The following MED13 variants were observed in gnomAD, a reference collection of about 807,000 sequenced individuals.
The protein encoded by MED13 is mediator of RNA polymerase II transcription subunit 13.
MED13 carries 23 observed loss-of-function variants against 225.2 expected under a neutral mutation model. The observed-to-expected ratio is 0.10, with a 90% CI of 0.07 to 0.14. MED13 has a LOEUF of 0.14. Among genes scored for constraint, MED13 ranks in the 10% least tolerant of loss-of-function variants. The pLI, the probability that MED13 is intolerant of heterozygous loss-of-function variation, is 1.00. For synonymous variants in MED13, 942 were observed against 889.2 expected (o/e 1.06, Z -1.06); for missense variants, 2,197 against 2,594.5 (o/e 0.85, Z 3.33).
intron 2 of MED13, among the ~76,000 whole-genome samples, chr17:62,062,303 T>C (rs934260624): frequency 6.6e-6 from 1 of 152,214 alleles, no homozygotes; most frequent in Admixed American, 6.5e-5. Context: ...AGTAATTATA[T>C]GAAAAGCTAT....
chr17:62,045,448 A>G (rs1015014382), intron 3 of MED13, among the ~76,000 whole-genome samples: 1 of 152,104 alleles, frequency 6.6e-6, no homozygotes, highest in Non-Finnish European at 1.5e-5. Flanking sequence ...AATTAGGCCC[A>G]GAAGTTTGTG....
At chr17:62,018,315 CAAG>C (rs1316748026) in intron 8 of MED13, among the ~76,000 whole-genome samples, 4 of 151,946 alleles carry the variant, frequency 2.6e-5, no homozygotes, top group Admixed American at 2.0e-4. Flanking sequence ...GTTAACAGTA[CAAG>C]AATAAAAAAT....
chr17:61,991,943 GATCC>G (rs1359167100), intron 11 of MED13, among the ~76,000 whole-genome samples: 17 of 152,212 alleles, frequency 1.1e-4, no homozygotes, highest in Non-Finnish European at 4.4e-5. Context: ...ACGGTGCCCA[GATCC>G]ATTTTTCAAT....
Position 62,033,915 on chromosome 17 carries a change from G to A in MED13, c.686C>T (p.Thr229Ile). 1 of 1,613,956 alleles carries A rather than the reference G, an allele frequency of 6.2e-7. No individual in the cohort carries two copies. The highest frequency in any genetic ancestry group is 8.5e-7 in the Non-Finnish European group (1 of 1,179,982). The change falls in exon 5 of 30, where the codon ACA (threonine) becomes ATA (isoleucine). Residue 229 changes from threonine to isoleucine, a missense_variant. Around this residue, in one of 12 missense-constraint regions of MED13, gnomAD observed 884 missense variants for 918.5 expected, o/e 0.96. Coordinates refer to ENST00000397786, the MANE Select transcript of MED13 (RefSeq NM_005121.3). ...TTTCCATTCACCAATTAATTTTTTT[G>A]TAGCTGAATCAGACATCTTGAATGC... ...GQAFKMSDSA[T>I]KKLIGEWKQF...
rs2079841648 is a variant in MED13, at chr17:61,945,023, T to C, written c.*1445A>G. On this transcript the variant is annotated 3_prime_UTR_variant, in exon 30 of 30. Transcript: ENST00000397786. ...CTTCTTTAGGGAGGTGAGAACCTCC[T>C]TGGCATATGCCCTACCTTAATCTGA... The C allele has an allele frequency of 6.6e-6, 1 of 152,662 alleles. No homozygotes were observed. The highest frequency in any genetic ancestry group is 2.4e-5 in the African/African-American group (1 of 41,450). 9.5% of individuals were successfully genotyped at this position (152,662 alleles called of 1,614,324 possible). A position where few individuals can be genotyped will look rare whatever the true frequency, so the allele number is the denominator to read the frequency against.
At chr17:61,996,603 A>G (rs1441627762) in intron 9 of MED13, among the ~76,000 whole-genome samples, 2 of 151,986 alleles carry the variant, frequency 1.3e-5, no homozygotes, top group Non-Finnish European at 2.9e-5. Flanking sequence ...TCTCCTTCCA[A>G]ATATCTGCAT....
chr17:61,953,504 G>A (rs576991874), intron 26 of MED13, among the ~76,000 whole-genome samples: 1 of 152,190 alleles, frequency 6.6e-6, no homozygotes, highest in Non-Finnish European at 1.5e-5. Context: ...CAGTGAAGGA[G>A]ATGTGATGAC....
intron 2 of MED13, among the ~76,000 whole-genome samples, chr17:62,061,422 A>G (rs1339851517): frequency 6.6e-6 from 1 of 152,198 alleles, no homozygotes; most frequent in Non-Finnish European, 1.5e-5. Context: ...TTGATTCTAC[A>G]AAGTGTATTT....
At chr17:62,036,023 C>A (rs2080800172) in intron 3 of MED13, among the ~76,000 whole-genome samples, 1 of 149,324 alleles carries the variant, frequency 6.7e-6, no homozygotes, top group Non-Finnish European at 1.5e-5. Context: ...CTCCTGGGCT[C>A]AAGGGATCCT....
chr17:61,965,226 A>G lies in MED13; in HGVS notation c.4624T>C (p.Ser1542Pro). Residue 1542 changes from serine (S) to proline (P), a missense_variant, in exon 20 of 30, where the codon TCA (serine) becomes CCA (proline). Ser to Pro is a moderately conservative substitution (Grantham distance 74). Coordinates refer to ENST00000397786, the MANE Select transcript of MED13 (RefSeq NM_005121.3). ...ACTCCACTATTCAAGTTGGAGGATG[A>G]TGAAGATGAAGTTGAAGCTGTGGTC... ...TLTTASTSSS[S>P]SSNLNSGVSS... 2 of 1,614,172 alleles carry G rather than the reference A, an allele frequency of 1.2e-6. No individual in the cohort carries two copies. The highest frequency in any genetic ancestry group is 1.7e-6 in the Non-Finnish European group (2 of 1,179,992).
rs753778004 is a variant in MED13 at position 62,011,171 on chromosome 17, T to C, written c.1346A>G (p.Gln449Arg). The C allele has an allele frequency of 5.0e-6, 8 of 1,614,098 alleles. No homozygotes were observed. In the Admixed American group the frequency reaches 1.2e-4, roughly 24 times the overall value. The change falls in exon 9 of 30, where the codon CAA (glutamine) becomes CGA (arginine). Residue 449 changes from glutamine to arginine, a missense_variant. This residue lies in a region of MED13 where 884 missense variants were observed against 918.5 expected (regional missense o/e 0.96). Transcript: ENST00000397786. ...QQGQAPSLGQQQQILPKHKTN... is the reference protein window; with the variant it reads ...QQGQAPSLGQRQQILPKHKTN... ...CTTGTGCTTAGGAAGTATTTGTTGT[T>C]GCTGACCTAAAGATGGTGCCTGTCC...
intron 16 of MED13, among the ~76,000 whole-genome samples, chr17:61,981,035 C>A (rs1295139285): frequency 7.1e-6 from 1 of 140,470 alleles, no homozygotes; most frequent in Non-Finnish European, 1.5e-5. Flanking sequence ...TTTTTTTTTT[C>A]TTTTAGATGG....
chr17:62,011,481 G>A (rs2080508715), intron 8 of MED13, among the ~76,000 whole-genome samples: 1 of 152,040 alleles, frequency 6.6e-6, no homozygotes, highest in African/African-American at 2.4e-5. Context: ...TGATCAGACA[G>A]CCAAAGATTA....
rs747342515 is a variant in MED13 at position 61,987,124 on chromosome 17, A to T, written c.2268T>A (p.Ala756=). 5.6e-6 allele frequency: 9 copies of T among 1,594,600 alleles called. No homozygotes were observed. Among genetic ancestry groups the T allele is most frequent in the South Asian group, 1.1e-5 (1 of 87,656 alleles). Reference sequence around the variant, plus strand: ...GACGGGCATGACTAGTAGGGCGTGGAGCATCTACAAAAGTCAATCAGAAAA... The same window carrying T: ...GACGGGCATGACTAGTAGGGCGTGGTGCATCTACAAAAGTCAATCAGAAAA... ...SLFSPSIKQD[A]PRPTSHARPP... is the part of the protein sequence containing the mutation. Residue 756 remains alanine (A), a synonymous_variant, in exon 12 of 30, where the codon GCT becomes GCA. Coordinates refer to ENST00000397786, the MANE Select transcript of MED13 (RefSeq NM_005121.3).
rs753278199 is a variant in MED13, at chr17:61,946,904, A to T, written c.6392+13T>A. The T allele has an allele frequency of 6.3e-7, 1 of 1,586,076 alleles. No homozygotes were observed. Among genetic ancestry groups the T allele is most frequent in the East Asian group, 2.2e-5 (1 of 44,742 alleles). ...GTTGCAGTGACAAACTGTTAATGGTAAAAGAGTTGTACCTGAGGACATCTG... is the reference window on the plus strand; with the variant it reads ...GTTGCAGTGACAAACTGTTAATGGTTAAAGAGTTGTACCTGAGGACATCTG... On this transcript the variant is annotated intron_variant, in intron 29 of 29. Coordinates refer to ENST00000397786, the MANE Select transcript of MED13 (RefSeq NM_005121.3).
intron 23 of MED13, among the ~76,000 whole-genome samples, chr17:61,959,570 T>C (rs1053377490): frequency 6.6e-6 from 1 of 152,102 alleles, no homozygotes; most frequent in African/African-American, 2.4e-5. Flanking sequence ...TGTTAATGTT[T>C]ATAATCAATA....
At chr17:62,046,421 A>T (rs1335010640) in intron 3 of MED13, among the ~76,000 whole-genome samples, 1 of 152,252 alleles carries the variant, frequency 6.6e-6, no homozygotes, top group East Asian at 1.9e-4. Flanking sequence ...ACACTTCACT[A>T]ATAAAATACA....
At position 61,943,278 on chromosome 17, in the gene MED13, T is replaced by C. The variant is rs2079828287; in HGVS notation, c.*3190A>G. On this transcript the variant is annotated 3_prime_UTR_variant, in exon 30 of 30. Coordinates refer to ENST00000397786, the MANE Select transcript of MED13 (RefSeq NM_005121.3). Reference sequence around the variant, plus strand: ...ATTAACTGATTGATATGCAATGCCATAGTGGATGAATAGCAAATTATATGA... The same window carrying C: ...ATTAACTGATTGATATGCAATGCCACAGTGGATGAATAGCAAATTATATGA... 1.3e-5 allele frequency: 2 copies of C among 152,572 alleles called. No homozygotes were observed. The highest frequency in any genetic ancestry group is 6.5e-5 in the Admixed American group (1 of 15,280). The allele number at this position is 152,572 out of a possible 1,614,324, so 9.5% of individuals were successfully genotyped here.
At chr17:62,060,624 G>A (rs1488759798) in intron 2 of MED13, among the ~76,000 whole-genome samples, 6 of 143,316 alleles carry the variant, frequency 4.2e-5, no homozygotes, top group Non-Finnish European at 7.6e-5. Flanking sequence ...CAGCCCGCGG[G>A]ACAGAATGAG....
Sources: allele counts gnomAD v4.1 joint callset (sites outside exome capture counted in the v4.1 genomes callset), GRCh38; gene constraint gnomAD v4.1.1; regional missense constraint gnomAD v4.1.1; transcripts MANE v1.5; gene names NCBI Gene and HGNC (gene_info 2026-07-23, HGNC 2026-07-21).